Variants in ZNF236 observed in about 807,000 individuals in gnomAD.
ZNF236 encodes zinc finger protein 236.
In ZNF236, 50 loss-of-function variants were observed where a neutral mutation model predicts 191.2. The ratio of observed to expected loss-of-function variants is 0.26; its 90% CI spans 0.21 to 0.33. The LOEUF (loss-of-function observed/expected upper bound fraction) is 0.33, where lower values mean the gene tolerates loss of function less well. Among genes scored for constraint, ZNF236 ranks in the 10% least tolerant of loss-of-function variants. The pLI is 1.00. For synonymous variants in ZNF236, 907 were observed against 928.8 expected (o/e 0.98, Z 0.43); for missense variants, 1,754 against 2,374.5 (o/e 0.74, Z 5.43).
intron 4 of ZNF236, among the ~76,000 whole-genome samples, chr18:76,869,629 A>G (rs1417298657): frequency 1.3e-5 from 2 of 152,176 alleles, no homozygotes; most frequent in Non-Finnish European, 2.9e-5. Flanking sequence ...CAGTTTTCAC[A>G]CTAATTTAGC....
Position 76,837,928 on chromosome 18 carries a change from G to A in ZNF236, c.56-11598G>A, listed in dbSNP as rs541554880. On this transcript the variant is annotated intron_variant, in intron 1 of 30. Coordinates refer to ENST00000320610, the MANE Select transcript of ZNF236 (RefSeq NM_001306089.2). ...TTTTGATGTGTCAATGATACTTTATGTCAAGACACATTAAAATGGATAGAT... is the reference window on the plus strand; with the variant it reads ...TTTTGATGTGTCAATGATACTTTATATCAAGACACATTAAAATGGATAGAT... Among the ~76,000 whole-genome samples the A allele has an allele frequency of 4.6e-5, 7 of 152,244 alleles. 1 individual carries two copies. In the South Asian group the frequency reaches 1.4e-3, roughly 31 times the overall value.
intron 13 of ZNF236, among the ~76,000 whole-genome samples, chr18:76,907,885 G>A (rs1027233392): frequency 6.6e-6 from 1 of 152,178 alleles, no homozygotes; most frequent in Non-Finnish European, 1.5e-5. Context: ...AGTAGGTGAT[G>A]AGGCTGGAGG....
chr18:76,842,454 T>C (rs1229688642), intron 1 of ZNF236, among the ~76,000 whole-genome samples: 1 of 151,380 alleles, frequency 6.6e-6, no homozygotes, highest in Non-Finnish European at 1.5e-5. Flanking sequence ...TTTTTTTTTT[T>C]AAGAAGTGAT....
chr18:76,961,163 T>C (rs1968657685), intron 30 of ZNF236, among the ~76,000 whole-genome samples: 1 of 152,010 alleles, frequency 6.6e-6, no homozygotes, highest in Non-Finnish European at 1.5e-5. Flanking sequence ...CCCTTCCCAT[T>C]CTTTCCCCCC....
At position 76,864,371 on chromosome 18, in the gene ZNF236, T is replaced by C. The variant is rs183572714; in HGVS notation, c.364-4314T>C. Among the ~76,000 whole-genome samples the C allele has an allele frequency of 5.3e-3, 802 of 152,094 alleles. 4 individuals are homozygous for C. Among genetic ancestry groups the C allele is most frequent in the African/African-American group, 0.018 (761 of 41,474 alleles). ...TCCACCACCACACCCGGCTAGTTTT[T>C]ATATTTTTAGTAGAGATGGCGTTTC... On this transcript the variant is annotated intron_variant, in intron 3 of 30. Coordinates refer to ENST00000320610, the MANE Select transcript of ZNF236 (RefSeq NM_001306089.2).
chr18:76,949,906 C>T (rs1278495002), intron 27 of ZNF236, among the ~76,000 whole-genome samples: 3 of 152,136 alleles, frequency 2.0e-5, no homozygotes, highest in Non-Finnish European at 4.4e-5. Flanking sequence ...GATCGCCCAC[C>T]TCAGCCTCCC....
At position 76,968,720 on chromosome 18, in the gene ZNF236, T is replaced by C; in HGVS notation, c.*381T>C. The C allele has an allele frequency of 4.0e-6, 4 of 999,810 alleles. No individual in the cohort carries two copies. Among genetic ancestry groups the C allele is most frequent in the Non-Finnish European group, 4.8e-6 (4 of 839,688 alleles). The allele number at this position is 999,810 out of a possible 1,614,324, so 61.9% of individuals were successfully genotyped here. A position where few individuals can be genotyped will look rare whatever the true frequency, so the allele number is the denominator to read the frequency against. On this transcript the variant is annotated 3_prime_UTR_variant, in exon 31 of 31. Transcript: ENST00000320610. ...ATTGAAAAAGTATGTCAGATTTTCC[T>C]TCATGTTTCTGGTTATAAGAAGCAT...
chr18:76,845,526 C>G (rs1975647495), intron 1 of ZNF236, among the ~76,000 whole-genome samples: 1 of 152,040 alleles, frequency 6.6e-6, no homozygotes, highest in Non-Finnish European at 1.5e-5. Context: ...TGCTAAAAAC[C>G]TCAAGTCCTT....
chr18:76,920,071 C>A lies in ZNF236; in HGVS notation c.3557+13C>A. 2.5e-6 allele frequency: 4 copies of A among 1,607,222 alleles called. No homozygotes were observed. The highest frequency in any genetic ancestry group is 3.4e-6 in the Non-Finnish European group (4 of 1,176,242). On this transcript the variant is annotated intron_variant, in intron 20 of 30. Transcript: ENST00000320610. ...GCGACCTGGTGAGGTGAGGGCATGG[C>A]TACGCCGCGCGGGTTCCGCTCTGAA...
In ZNF236 at chr18:76,927,289, A is replaced by G. The variant is rs777054223; in HGVS notation, c.4186A>G (p.Ile1396Val). 3.7e-6 allele frequency: 6 copies of G among 1,614,030 alleles called. No homozygotes were observed. In the African/African-American group the frequency reaches 6.7e-5, roughly 18 times the overall value. ...TGCTGCTTTTCAGATTGATCCAAGC[A>G]TTCTGCAGCAGACGCTACAGCAGGG... is the stretch of plus-strand genomic sequence containing the variant. ...NNITLQIDPS[I>V]LQQTLQQGNL... The change falls in exon 24 of 31, where the codon ATT becomes GTT. Residue 1396 changes from isoleucine (I) to valine (V), a missense_variant. Physicochemically the swap from Ile to Val is conservative, Grantham distance 29. This residue lies in a region of ZNF236 where 606 missense variants were observed against 761.5 expected (regional missense o/e 0.80). Coordinates refer to ENST00000320610, the MANE Select transcript of ZNF236 (RefSeq NM_001306089.2). This position sits in a 1 kb window ranked among gnomAD's most constrained non-coding sequence, Gnocchi z 5.4.
At position 76,956,023 on chromosome 18, in the gene ZNF236, G is replaced by A. The variant is rs761933996; in HGVS notation, c.4953G>A (p.Gln1651=). 10 of 1,610,538 alleles carry A rather than the reference G, an allele frequency of 6.2e-6. No individual in the cohort carries two copies. In the African/African-American group the frequency reaches 1.2e-4, roughly 19 times the overall value. The part of the protein sequence containing the change: ...GVSGNLAPGN[Q]PEKEGRAHQC... ...CTGGGAACCTGGCCCCGGGCAACCA[G>A]CCAGAGAAGGAGGGCCGGGCGCACC... Residue 1651 remains glutamine, a synonymous_variant, in exon 28 of 31, where the codon CAG becomes CAA. Transcript: ENST00000320610.
Position 76,895,278 on chromosome 18 carries a change from G to A in ZNF236, c.1683G>A (p.Leu561=). 1 of 1,599,312 alleles carries A rather than the reference G, an allele frequency of 6.3e-7. No homozygotes were observed. Among genetic ancestry groups the A allele is most frequent in the Non-Finnish European group, 8.5e-7 (1 of 1,179,754 alleles). ...GCAGCCTCAAGGTGCACATTCGCCT[G>A]CACACAGGTATGGCCTCAGGGCTGG... The part of the protein sequence containing the change: ...TSGSLKVHIR[L]HTGVRPFACP... Residue 561 remains leucine (L), a synonymous_variant, in exon 10 of 31, where the codon CTG becomes CTA. Coordinates refer to ENST00000320610, the MANE Select transcript of ZNF236 (RefSeq NM_001306089.2).
At chr18:76,897,829 G>A (rs904514175) in intron 10 of ZNF236, among the ~76,000 whole-genome samples, 2 of 152,208 alleles carry the variant, frequency 1.3e-5, no homozygotes, top group Non-Finnish European at 2.9e-5. Context: ...CAGCACCTGG[G>A]GGAGCAATAA....
In ZNF236 at chr18:76,905,319, T is replaced by C; in HGVS notation, c.2201T>C (p.Met734Thr). 6.2e-7 allele frequency: 1 copy of C among 1,614,204 alleles called. No individual in the cohort carries two copies. The highest frequency in any genetic ancestry group is 1.1e-5 in the South Asian group (1 of 91,080). Residue 734 changes from methionine (M) to threonine (T), a missense_variant, in exon 13 of 31, where the codon ATG becomes ACG. Met to Thr is a moderately conservative substitution (Grantham distance 81, BLOSUM62 -1). This residue lies in a region of ZNF236 where 641 missense variants were observed against 869.6 expected (regional missense o/e 0.74). Coordinates refer to ENST00000320610, the MANE Select transcript of ZNF236 (RefSeq NM_001306089.2). ...ACTGGTGGCAGCTTACGGCGACACA[T>C]GGGTATCCACAACGACCTTCGTCCC... is the stretch of plus-strand genomic sequence containing the variant. ...FTTGGSLRRH[M>T]GIHNDLRPYM...
At chr18:76,936,249 A>G (rs1967995036) in intron 25 of ZNF236, 1 of 448,390 alleles carries the variant, frequency 2.2e-6, no homozygotes. Flanking sequence ...AGTGGCTGGC[A>G]CAAGTGGATG....
At chr18:76,889,818 A>G (rs1463696565) in intron 9 of ZNF236, among the ~76,000 whole-genome samples, 1 of 152,182 alleles carries the variant, frequency 6.6e-6, no homozygotes, top group Non-Finnish European at 1.5e-5. Flanking sequence ...GAAGCGCACC[A>G]CTACTGTCTT....
At chr18:76,861,776 C>T (rs1976236424) in intron 3 of ZNF236, among the ~76,000 whole-genome samples, 1 of 152,194 alleles carries the variant, frequency 6.6e-6, no homozygotes, top group Admixed American at 6.5e-5. Flanking sequence ...AACCAGCCAA[C>T]AGGCACAGAA....
intron 30 of ZNF236, among the ~76,000 whole-genome samples, chr18:76,965,588 T>A (rs1968751169): frequency 6.6e-6 from 1 of 152,222 alleles, no homozygotes; most frequent in Non-Finnish European, 1.5e-5. Context: ...TCTCTTGATA[T>A]AGTACTCCCC....
At position 76,927,361 on chromosome 18, in the gene ZNF236, C is replaced by G. The variant is rs375477935; in HGVS notation, c.4258C>G (p.Gln1420Glu). 1.2e-6 allele frequency: 2 copies of G among 1,614,218 alleles called. No homozygotes were observed. The highest frequency in any genetic ancestry group is 1.1e-5 in the South Asian group (1 of 91,092). Reference protein sequence around the residue: ...QLTGEPGLAPQNSSLQTSDST... With the variant: ...QLTGEPGLAPENSSLQTSDST... ...CACGGGGGAGCCTGGCCTGGCCCCACAGAACAGCTCTCTCCAGACATCGGA... is the reference window on the plus strand; with the variant it reads ...CACGGGGGAGCCTGGCCTGGCCCCAGAGAACAGCTCTCTCCAGACATCGGA... The change falls in exon 24 of 31, where the codon CAG becomes GAG. Residue 1420 changes from glutamine to glutamate, a missense_variant. By Grantham distance (29) the Gln-to-Glu change is conservative. Around this residue, in one of 5 missense-constraint regions of ZNF236, gnomAD observed 606 missense variants for 761.5 expected, o/e 0.80. Transcript: ENST00000320610. The surrounding 1 kb of genome is among the most constrained non-coding windows in gnomAD (Gnocchi z 5.4).
Sources: gnomAD v4.1 joint callset for allele counts (sites outside exome capture counted in the v4.1 genomes callset) on GRCh38, gnomAD v4.1.1 for gene constraint, gnomAD v4.1.1 regional missense constraint, Gnocchi (gnomAD v3.1) non-coding constraint, MANE v1.5 for transcripts, NCBI Gene and HGNC (gene_info 2026-07-23, HGNC 2026-07-21) for gene names.